Variants in NPIPB12 observed in about 807,000 individuals in gnomAD.
The protein encoded by NPIPB12 is nuclear pore complex-interacting protein family member B12.
At chr16:29,498,042 T>TTACAAAA (rs1324293142) in intron 1 of NPIPB12, among the ~76,000 whole-genome samples, 1 of 69,568 alleles carries the variant, frequency 1.4e-5, no homozygotes, top group Non-Finnish European at 3.0e-5. Flanking sequence ...GGTTCACGCC[T>TTACAAAA]GTAATCCCAA....
At chr16:29,498,299 A>AAAT (rs1555481945) in intron 1 of NPIPB12, among the ~76,000 whole-genome samples, 26,042 of 132,976 alleles carry the variant, frequency 0.2, 5 homozygotes, top group Non-Finnish European at 0.24. Flanking sequence ...AAACTGTCTC[A>AAAT]AAATAAATAA....
upstream of NPIPB12, among the ~76,000 whole-genome samples, chr16:29,501,838 A>T: frequency 2.5e-5 from 1 of 39,562 alleles, no homozygotes; most frequent in Non-Finnish European, 5.3e-5. Context: ...CCTGGGTGAC[A>T]GAATGGAATG....
chr16:29,505,795 TCA>T lies in NPIPB12; in HGVS notation c.-52_-51del. The T allele has an allele frequency of 2.6e-6, 1 of 382,276 alleles. No homozygotes were observed. The highest frequency in any genetic ancestry group is 2.2e-5 in the South Asian group (1 of 45,264). 23.7% of individuals were successfully genotyped at this position (382,276 alleles called of 1,614,324 possible). On this transcript the variant is annotated 5_prime_UTR_variant, in exon 1 of 8. The change creates a premature stop within an existing upstream ORF in the 5' untranslated region. Transcript: ENST00000550665. ...CAAAATTACTTTACCCCTTTTAACCTCAGTTTTCTTCTGTGTGAAACAGGAAC... is the reference window on the plus strand; with the variant it reads ...CAAAATTACTTTACCCCTTTTAACCTGTTTTCTTCTGTGTGAAACAGGAAC...
At chr16:29,490,385 G>T (rs1965065191) in intron 4 of NPIPB12, among the ~76,000 whole-genome samples, 1 of 131,580 alleles carries the variant, frequency 7.6e-6, no homozygotes, top group Non-Finnish European at 1.6e-5. Context: ...CAGATCACCT[G>T]AGGTCAGGAG....
intron 4 of NPIPB12, among the ~76,000 whole-genome samples, chr16:29,490,904 TAA>T (rs1156982100): frequency 3.7e-4 from 21 of 56,676 alleles, no homozygotes; most frequent in African/African-American, 1.3e-3. Context: ...ATCTCAAAAT[TAA>T]AAAAAAAAAA....
chr16:29,501,453 G>C (rs1332459072), upstream of NPIPB12, among the ~76,000 whole-genome samples: 1 of 16,674 alleles, frequency 6.0e-5, no homozygotes, highest in Non-Finnish European at 9.6e-5. Context: ...CTCCAGCCTA[G>C]GCGACAGAGC....
At chr16:29,504,600 T>C (rs1965217681) in intron 2 of NPIPB12, among the ~76,000 whole-genome samples, 1 of 139,514 alleles carries the variant, frequency 7.2e-6, no homozygotes, top group South Asian at 2.4e-4. Context: ...TTTGAGATTA[T>C]CATTTTAAAA....
chr16:29,502,082 A>G (rs915084156), upstream of NPIPB12, among the ~76,000 whole-genome samples: 1 of 3,028 alleles, frequency 3.3e-4, no homozygotes, highest in African/African-American at 8.4e-4. Flanking sequence ...AATGGAGGTT[A>G]TTCGTGCAGC....
At chr16:29,497,130 C>A (rs1347099860) in intron 1 of NPIPB12, among the ~76,000 whole-genome samples, 2 of 90,800 alleles carry the variant, frequency 2.2e-5, no homozygotes, top group Admixed American at 1.2e-4. Flanking sequence ...GAATCTTTGT[C>A]ATTTAAATCT....
chr16:29,498,265 ACTCCAGC>A (rs1965162236), intron 1 of NPIPB12, among the ~76,000 whole-genome samples: 1 of 149,162 alleles, frequency 6.7e-6, no homozygotes. Flanking sequence ...GCCCCATTGC[ACTCCAGC>A]CTGGGCAACA....
Position 29,497,188 on chromosome 16 carries a change from T to C in NPIPB12, c.76-1581A>G, listed in dbSNP as rs1315533855. 7.2e-5 allele frequency among the ~76,000 whole-genome samples: 7 copies of C among 97,320 alleles called. 2 individuals carry two copies. The East Asian group carries it at 4.2e-3, about 59-fold the overall frequency. 63.8% of individuals were successfully genotyped at this position (97,320 alleles called of 152,430 possible). A position where few individuals can be genotyped will look rare whatever the true frequency, so the allele number is the denominator to read the frequency against. On this transcript the variant is annotated intron_variant, in intron 1 of 5. Transcript: ENST00000617311. ...AAAATACAATGAAGAGATTACTTCA[T>C]TCACAAATAAGTATCAAATTTTAGT...
At chr16:29,501,062 A>C (rs1965188287), upstream of NPIPB12, among the ~76,000 whole-genome samples, 1 of 14,824 alleles carries the variant, frequency 6.7e-5, no homozygotes, top group Non-Finnish European at 9.4e-5. Context: ...CACTGCTTTA[A>C]ATCCCTTTAC....
chr16:29,490,401 G>C (rs1965065556), intron 4 of NPIPB12, among the ~76,000 whole-genome samples: 1 of 144,498 alleles, frequency 6.9e-6, no homozygotes, highest in Non-Finnish European at 1.5e-5. Flanking sequence ...AGGAGTTCAA[G>C]ACTAGCCTGG....
intron 2 of NPIPB12, among the ~76,000 whole-genome samples, chr16:29,492,483 C>G (rs1965098078): frequency 2.4e-5 from 2 of 81,646 alleles, no homozygotes; most frequent in African/African-American, 1.2e-4. Context: ...AAAATTGAAA[C>G]TCTTGTCTCA....
chr16:29,490,904 T>TA (rs1156982100), intron 4 of NPIPB12, among the ~76,000 whole-genome samples: 14,839 of 55,580 alleles, frequency 0.27, 182 homozygotes, highest in East Asian at 0.48. Flanking sequence ...ATCTCAAAAT[T>TA]AAAAAAAAAA....
At chr16:29,498,299 A>AAAATAAATAAATAAAT (rs373111384) in intron 1 of NPIPB12, among the ~76,000 whole-genome samples, 713 of 140,682 alleles carry the variant, frequency 5.1e-3, no homozygotes, top group East Asian at 1.0e-2. Flanking sequence ...AAACTGTCTC[A>AAAATAAATAAATAAAT]AAATAAATAA....
At chr16:29,497,101 C>T (rs1400678276) in intron 1 of NPIPB12, among the ~76,000 whole-genome samples, 2 of 78,294 alleles carry the variant, frequency 2.6e-5, no homozygotes, top group African/African-American at 8.3e-5. Context: ...CTAAATAATA[C>T]TTCTCTCTTG....
chr16:29,498,383 A>G (rs1221772840), intron 1 of NPIPB12, among the ~76,000 whole-genome samples: 1 of 140,144 alleles, frequency 7.1e-6, no homozygotes. Context: ...TGGTGTATGT[A>G]CTTTCCAAAG....
At chr16:29,498,294 G>T (rs1596717699) in intron 1 of NPIPB12, among the ~76,000 whole-genome samples, 1 of 135,276 alleles carries the variant, frequency 7.4e-6, no homozygotes, top group Non-Finnish European at 1.6e-5. Context: ...GGGAGAAACT[G>T]TCTCAAAATA....
Sources: gnomAD v4.1 joint callset for allele counts (sites outside exome capture counted in the v4.1 genomes callset) on GRCh38, gnomAD v4.1.1 for gene constraint, MANE v1.5 for transcripts, NCBI Gene and HGNC (gene_info 2026-07-23, HGNC 2026-07-21) for gene names.